PCGF6: variants seen among roughly 807,000 people sequenced by gnomAD.
The protein encoded by PCGF6 is polycomb group RING finger protein 6.
In PCGF6, 24 loss-of-function variants were observed where a neutral mutation model predicts 45.5. The observed-to-expected ratio is 0.53, with a 90% CI of 0.38 to 0.74. The LOEUF (loss-of-function observed/expected upper bound fraction) is 0.74, where lower values mean the gene tolerates loss of function less well. Among genes scored for constraint, PCGF6 ranks in the 30% least tolerant of loss-of-function variants. The pLI is 0.00. For synonymous variants in PCGF6, 152 were observed against 162.1 expected (o/e 0.94, Z 0.47); for missense variants, 356 against 443.2 (o/e 0.80, Z 1.77).
intron 6 of PCGF6, among the ~76,000 whole-genome samples, chr10:103,337,857 G>A (rs1448432778): frequency 8.8e-6 from 1 of 113,290 alleles, no homozygotes; most frequent in African/African-American, 3.2e-5. Flanking sequence ...GAGGTCAGGA[G>A]ATCGAGACCA....
chr10:103,315,087 C>T (rs2093170009), intron 8 of PCGF6, among the ~76,000 whole-genome samples: 2 of 150,098 alleles, frequency 1.3e-5, no homozygotes, highest in Non-Finnish European at 1.5e-5. Context: ...AATCATAGTA[C>T]AACACTGACT....
At chr10:103,328,913 T>C (rs1412416528) in intron 7 of PCGF6, among the ~76,000 whole-genome samples, 1 of 151,096 alleles carries the variant, frequency 6.6e-6, no homozygotes, top group Non-Finnish European at 1.5e-5. Flanking sequence ...CACCACGCTA[T>C]TTTTTGTATT....
intron 9 of PCGF6, 102 bp from the exon 10 acceptor site, chr10:103,304,063 A>G: frequency 1.2e-6 from 1 of 860,882 alleles, no homozygotes. Context: ...ATCTAACACT[A>G]AGGTGAAATT....
rs546326688 is a variant in PCGF6 at position 103,322,746 on chromosome 10, C to A, written c.909+3788G>T. Among the ~76,000 whole-genome samples, 3 of 152,078 alleles carry A rather than the reference C, an allele frequency of 2.0e-5. No homozygotes were observed. In the South Asian group the frequency reaches 6.2e-4, roughly 32 times the overall value. On this transcript the variant is annotated intron_variant, in intron 8 of 9. Coordinates refer to ENST00000369847, the MANE Select transcript of PCGF6 (RefSeq NM_001011663.2). Reference sequence around the variant, plus strand: ...GGCTGAGGCAGGAGAATTGCTGGAACCCGGGAGGTAGAGACCGCAGTGAGT... The same window carrying A: ...GGCTGAGGCAGGAGAATTGCTGGAAACCGGGAGGTAGAGACCGCAGTGAGT...
At chr10:103,307,696 C>T (rs2093142805) in intron 9 of PCGF6, among the ~76,000 whole-genome samples, 1 of 152,036 alleles carries the variant, frequency 6.6e-6, no homozygotes. Context: ...TGGTCTCAAA[C>T]TCCTGGGCTC....
At chr10:103,311,960 C>T (rs2093158856) in intron 9 of PCGF6, among the ~76,000 whole-genome samples, 1 of 151,660 alleles carries the variant, frequency 6.6e-6, no homozygotes, top group Admixed American at 6.6e-5. Context: ...TGGTGGGACA[C>T]CTATAGTCCC....
At position 103,303,663 on chromosome 10, in the gene PCGF6, A is replaced by T. The variant is rs1331163433; in HGVS notation, c.*242T>A. ...GTATTTAAAATCATAAGAAATTTTA[A>T]AATTCAATTTTTGAAAAATTTCCCC... On this transcript the variant is annotated 3_prime_UTR_variant, in exon 10 of 10. Coordinates refer to ENST00000369847, the MANE Select transcript of PCGF6 (RefSeq NM_001011663.2). 9 of 366,114 alleles carry T rather than the reference A, an allele frequency of 2.5e-5. No homozygotes were observed. The highest frequency in any genetic ancestry group is 7.3e-4 in the Middle Eastern group (1 of 1,364). The allele number at this position is 366,114 out of a possible 1,614,324, so 22.7% of individuals were successfully genotyped here.
chr10:103,316,947 GCA>G (rs1435863258), intron 8 of PCGF6, among the ~76,000 whole-genome samples: 1 of 152,112 alleles, frequency 6.6e-6, no homozygotes, highest in East Asian at 1.9e-4. Context: ...ATGAGATCTT[GCA>G]CAGAGAACTT....
At chr10:103,315,474 C>G (rs2093171473) in intron 8 of PCGF6, among the ~76,000 whole-genome samples, 1 of 152,202 alleles carries the variant, frequency 6.6e-6, no homozygotes, top group Non-Finnish European at 1.5e-5. Flanking sequence ...ATTCCCCTGC[C>G]TCAGCCTCCC....
At chr10:103,324,679 G>A (rs537072068) in intron 8 of PCGF6, among the ~76,000 whole-genome samples, 1 of 146,258 alleles carries the variant, frequency 6.8e-6, no homozygotes, top group African/African-American at 2.5e-5. Flanking sequence ...AGAATCACTT[G>A]AACCCGGGAG....
chr10:103,330,350 C>T (rs1451479936), intron 7 of PCGF6, among the ~76,000 whole-genome samples: 1 of 151,738 alleles, frequency 6.6e-6, no homozygotes, highest in African/African-American at 2.4e-5. Context: ...GCTGGGATTA[C>T]AGGCGTTAGC....
intron 8 of PCGF6, among the ~76,000 whole-genome samples, chr10:103,324,172 C>A (rs1276882976): frequency 1.3e-5 from 2 of 151,896 alleles, no homozygotes; most frequent in Non-Finnish European, 2.9e-5. Flanking sequence ...CTCCTGACCT[C>A]AAATGATCCA....
chr10:103,315,990 G>GTA (rs1222544781), intron 8 of PCGF6, among the ~76,000 whole-genome samples: 134 of 112,446 alleles, frequency 1.2e-3, no homozygotes, highest in African/African-American at 4.3e-3. Context: ...GTGTGTGTGT[G>GTA]TGTGTATATA....
At chr10:103,337,366 C>T (rs915740761) in intron 6 of PCGF6, among the ~76,000 whole-genome samples, 11 of 152,108 alleles carry the variant, frequency 7.2e-5, no homozygotes, top group African/African-American at 2.4e-4. Flanking sequence ...TGCATTATTT[C>T]AATACTCATA....
intron 8 of PCGF6, among the ~76,000 whole-genome samples, chr10:103,319,019 C>A (rs1259491119): frequency 6.6e-6 from 1 of 152,122 alleles, no homozygotes; most frequent in Non-Finnish European, 1.5e-5. Context: ...AGAAATCAGA[C>A]CATGAAAGTA....
At chr10:103,348,664 T>C in intron 3 of PCGF6, 52 bp downstream of exon 3, 2 of 1,320,332 alleles carry the variant, frequency 1.5e-6, no homozygotes, top group Non-Finnish European at 2.1e-6. Flanking sequence ...AACTTCAAGC[T>C]TTCAGAAAAA....
At chr10:103,349,725 G>C (rs1036420554) in intron 1 of PCGF6, among the ~76,000 whole-genome samples, 8 of 149,830 alleles carry the variant, frequency 5.3e-5, no homozygotes, top group Non-Finnish European at 1.0e-4. Flanking sequence ...CGCCTGCCTC[G>C]GCCTCCCAAA....
chr10:103,345,270 A>G (rs2093295196), intron 5 of PCGF6, 138 bp from the exon 6 acceptor site: 2 of 640,674 alleles, frequency 3.1e-6, no homozygotes, highest in Admixed American at 6.1e-5. Context: ...GTCTTTAATG[A>G]CATTGGCTAA....
intron 8 of PCGF6, among the ~76,000 whole-genome samples, chr10:103,325,050 G>A (rs113968420): frequency 0.015 from 2,189 of 149,376 alleles, 44 homozygotes; most frequent in African/African-American, 0.048. Context: ...CAGGAGAATC[G>A]CCTGAACCCG....
Sources: allele counts gnomAD v4.1 joint callset (sites outside exome capture counted in the v4.1 genomes callset), GRCh38; gene constraint gnomAD v4.1.1; transcripts MANE v1.5; gene names NCBI Gene and HGNC (gene_info 2026-07-23, HGNC 2026-07-21).